Variants in BUD23 observed in about 807,000 individuals in gnomAD.
The protein encoded by BUD23 is 18S rRNA (guanine-N(7))-methyltransferase.
A neutral mutation model predicts 47.0 loss-of-function variants in BUD23; 34 were observed. The observed-to-expected ratio is 0.72, with a 90% confidence interval of 0.55 to 0.96. The LOEUF is 0.96. Ranked by LOEUF, BUD23 falls within the 40% of genes least tolerant of loss-of-function variation. The probability of loss-of-function intolerance (pLI) is 0.00; values close to 1 mark genes in which losing one functional copy is unlikely to be tolerated. For synonymous variants in BUD23, 124 were observed against 132.0 expected (o/e 0.94, Z 0.41); for missense variants, 343 against 361.2 (o/e 0.95, Z 0.41).
intron 2 of BUD23, among the ~76,000 whole-genome samples, 178 bp from the exon 3 acceptor site, chr7:73,686,458 G>C (rs2141166): frequency 6.6e-6 from 1 of 152,046 alleles, no homozygotes; most frequent in Non-Finnish European, 1.5e-5. Flanking sequence ...GGTCACTTTC[G>C]AATGGTTGAA....
rs1554614198 is a variant in BUD23, at chr7:73,692,583, C to T, written c.460-13C>T. ...AGTCATTTGTAAGACAGTGATGTTC[C>T]TGTTTCTTTCAGGTCCGGGGATCCC... is the stretch of plus-strand genomic sequence containing the variant. On this transcript the variant is annotated splice_polypyrimidine_tract_variant and intron_variant, in intron 6 of 11. Transcript: ENST00000265758. 1 of 1,613,376 alleles carries T rather than the reference C, an allele frequency of 6.2e-7. No homozygotes were observed. Among genetic ancestry groups the T allele is most frequent in the Admixed American group, 1.7e-5 (1 of 59,988 alleles).
intron 5 of BUD23, among the ~76,000 whole-genome samples, chr7:73,687,772 C>T (rs1305174201): frequency 6.6e-6 from 1 of 152,170 alleles, no homozygotes; most frequent in Non-Finnish European, 1.5e-5. Flanking sequence ...AAATACACAT[C>T]CCATGGGATT....
intron 10 of BUD23, chr7:73,697,106 CAG>C (rs1554614965): frequency 6.4e-6 from 2 of 313,828 alleles, no homozygotes; most frequent in Non-Finnish European, 1.2e-5. Context: ...CGGATGGTCA[CAG>C]GGGTCTTCGG....
chr7:73,697,392 C>A, intron 10 of BUD23: 1 of 1,525,236 alleles, frequency 6.6e-7, no homozygotes, highest in South Asian at 1.2e-5. Context: ...CTCCTCTGCC[C>A]ACCCAACAAC....
In BUD23 at chr7:73,683,689, C is replaced by A. The variant is rs116234888; in HGVS notation, c.48+16C>A. 3 of 1,613,838 alleles carry A rather than the reference C, an allele frequency of 1.9e-6. No individual in the cohort carries two copies. Among genetic ancestry groups the A allele is most frequent in the Non-Finnish European group, 2.5e-6 (3 of 1,179,978 alleles). On this transcript the variant is annotated intron_variant, in intron 1 of 11. Transcript: ENST00000265758. ...CCCAGAGCTGGTAAGTCCCGGGGCCCGCGGACACCCCTCTCCCCACTTCTG... is the reference window on the plus strand; with the variant it reads ...CCCAGAGCTGGTAAGTCCCGGGGCCAGCGGACACCCCTCTCCCCACTTCTG...
chr7:73,691,010 C>A lies in BUD23; in HGVS notation c.457C>A (p.Leu153Ile). 6.2e-7 allele frequency: 1 copy of A among 1,613,870 alleles called. No homozygotes were observed. The highest frequency in any genetic ancestry group is 8.5e-7 in the Non-Finnish European group (1 of 1,179,810). Reference protein sequence around the residue: ...YCFFASLFSVLVRGSRAVLQL... With the variant: ...YCFFASLFSVIVRGSRAVLQL... ...CTTTTTTGCTTCTCTTTTTTCTGTT[C>A]TCGTGAGTATAAGATCTTCTCCCCA... The change falls in exon 6 of 12, where the codon CTC becomes ATC. Residue 153 changes from leucine (L) to isoleucine (I), a missense_variant and splice_region_variant. Physicochemically the swap from Leu to Ile is conservative, Grantham distance 5. Coordinates refer to ENST00000265758, the MANE Select transcript of BUD23 (RefSeq NM_017528.5).
At chr7:73,693,692 G>A (rs1798282859) in intron 9 of BUD23, 23 bp downstream of exon 9, 1 of 1,614,052 alleles carries the variant, frequency 6.2e-7, no homozygotes. Flanking sequence ...GGGTTTGCAG[G>A]CAGGCCTGTG....
chr7:73,691,356 A>C (rs1798188712), intron 6 of BUD23, among the ~76,000 whole-genome samples: 1 of 152,170 alleles, frequency 6.6e-6, no homozygotes, highest in African/African-American at 2.4e-5. Context: ...GACTGAGCAG[A>C]GTGAGGACAG....
At chr7:73,688,748 G>A (rs1554613537) in intron 5 of BUD23, among the ~76,000 whole-genome samples, 1 of 152,180 alleles carries the variant, frequency 6.6e-6, no homozygotes, top group Admixed American at 6.6e-5. Flanking sequence ...GAAAATAGGG[G>A]AGGAAGTTAC....
rs782352354 is a variant in BUD23 at position 73,683,634 on chromosome 7, C to G, written c.9C>G (p.Ser3=). The part of the protein sequence containing the change: MA[S]RGRRPEHGGP... Reference sequence around the variant, plus strand: ...GCTGCTGAGGCGTGAGAATGGCGTCCCGCGGCCGGCGTCCGGAGCATGGCG... The same window carrying G: ...GCTGCTGAGGCGTGAGAATGGCGTCGCGCGGCCGGCGTCCGGAGCATGGCG... The change falls in exon 1 of 12, where the codon TCC becomes TCG. Residue 3 remains serine (S), a synonymous_variant. Coordinates refer to ENST00000265758, the MANE Select transcript of BUD23 (RefSeq NM_017528.5). 2 of 1,610,798 alleles carry G rather than the reference C, an allele frequency of 1.2e-6. No homozygotes were observed. The highest frequency in any genetic ancestry group is 1.7e-6 in the Non-Finnish European group (2 of 1,178,946).
rs183560719 is a variant in BUD23 at position 73,685,317 on chromosome 7, T to G, written c.87-1319T>G. On this transcript the variant is annotated intron_variant, in intron 2 of 11. Transcript: ENST00000265758. ...AATAGCTATTGGATACTGTTTCTTT[T>G]TTTTAGGGACAGGGTCTCTCTATTG... Among the ~76,000 whole-genome samples, 26 of 152,338 alleles carry G rather than the reference T, an allele frequency of 1.7e-4. No individual in the cohort carries two copies. In the East Asian group the frequency reaches 2.9e-3, roughly 17 times the overall value.
Position 73,697,830 on chromosome 7 carries a change from A to G in BUD23, c.792-2A>G. On this transcript the variant is annotated splice_acceptor_variant, in intron 11 of 11. Transcript: ENST00000265758. LOFTEE classifies it high-confidence loss of function. ...AGACTGTCCTATTCCTTTTCTGCAC[A>G]GGGAAGTCAGACCTGACACCCAGTA... is the stretch of plus-strand genomic sequence containing the variant. The G allele has an allele frequency of 6.2e-7, 1 of 1,613,794 alleles. No individual in the cohort carries two copies. The highest frequency in any genetic ancestry group is 8.5e-7 in the Non-Finnish European group (1 of 1,179,928).
intron 9 of BUD23, 78 bp from the exon 10 acceptor site, chr7:73,693,914 G>C: frequency 6.4e-7 from 1 of 1,572,184 alleles, no homozygotes; most frequent in Non-Finnish European, 8.7e-7. Context: ...GGTCAGGCCT[G>C]GGTGCCTGGG....
Position 73,683,631 on chromosome 7 carries a change from G to A in BUD23, c.6G>A (p.Ala2=). The change falls in exon 1 of 12, where the codon GCG becomes GCA. Residue 2 remains alanine (A), a synonymous_variant. Coordinates refer to ENST00000265758, the MANE Select transcript of BUD23 (RefSeq NM_017528.5). The stretch of plus-strand genomic sequence containing the variant: ...TGTGCTGCTGAGGCGTGAGAATGGC[G>A]TCCCGCGGCCGGCGTCCGGAGCATG... M[A]SRGRRPEHGG... is the part of the protein sequence containing the mutation. 1.2e-6 allele frequency: 2 copies of A among 1,610,254 alleles called. No homozygotes were observed. The highest frequency in any genetic ancestry group is 1.7e-6 in the Non-Finnish European group (2 of 1,178,728).
intron 10 of BUD23, chr7:73,694,294 C>A: frequency 2.2e-6 from 1 of 452,120 alleles, no homozygotes; most frequent in African/African-American, 2.1e-5. Flanking sequence ...ATGCCCCTTC[C>A]CCTTGCCACG....
intron 9 of BUD23, 31 bp downstream of exon 9, chr7:73,693,700 G>T: frequency 6.2e-7 from 1 of 1,613,948 alleles, no homozygotes; most frequent in African/African-American, 1.3e-5. Flanking sequence ...AGGCAGGCCT[G>T]TGTCTTTTGA....
At chr7:73,687,237 C>T in intron 5 of BUD23, 142 bp downstream of exon 5, 1 of 869,652 alleles carries the variant, frequency 1.1e-6, no homozygotes, top group Admixed American at 2.5e-5. Context: ...ACCTCAGTCT[C>T]CTGAGTAGCT....
chr7:73,688,078 A>G (rs1554613395), intron 5 of BUD23, among the ~76,000 whole-genome samples: 1 of 151,752 alleles, frequency 6.6e-6, no homozygotes, highest in Admixed American at 6.6e-5. Context: ...TTATATTTTT[A>G]GTAGAGACGG....
intron 10 of BUD23, chr7:73,694,786 T>A (rs1283659254): frequency 6.6e-6 from 1 of 152,620 alleles, no homozygotes; most frequent in Non-Finnish European, 1.5e-5. Flanking sequence ...TCAGCCTTCC[T>A]GGCTGCTCCT....
Sources: allele counts gnomAD v4.1 joint callset (sites outside exome capture counted in the v4.1 genomes callset), GRCh38; gene constraint gnomAD v4.1.1; transcripts MANE v1.5; gene names NCBI Gene and HGNC (gene_info 2026-07-23, HGNC 2026-07-21).